Variants in RGS21 observed in about 807,000 individuals in gnomAD.
The protein encoded by RGS21 is regulator of G-protein signalling 21.
A neutral mutation model predicts 18.7 loss-of-function variants in RGS21; 19 were observed. The observed-to-expected ratio is 1.01, with a 90% CI of 0.71 to 1.49. The LOEUF (loss-of-function observed/expected upper bound fraction) is 1.49, where lower values mean the gene tolerates loss of function less well. Among genes scored for constraint, RGS21 ranks in the 40% most tolerant of loss-of-function variants. The pLI is 0.00. For missense variants in RGS21, 194 were observed against 176.8 expected (o/e 1.10, Z -0.55); for synonymous variants, 56 against 57.8 (o/e 0.97, Z 0.14).
intron 3 of RGS21, among the ~76,000 whole-genome samples, chr1:192,348,009 C>CATGTAT (rs1658980296): frequency 6.8e-6 from 1 of 146,908 alleles, no homozygotes; most frequent in Non-Finnish European, 1.5e-5. Flanking sequence ...CATACACATA[C>CATGTAT]ATATATATAT....
rs1176240969 is a variant in RGS21, at chr1:192,366,969, CCAAA to C, written c.*849_*852del. 3 of 151,872 alleles carry C rather than the reference CCAAA, an allele frequency of 2.0e-5. No homozygotes were observed. The highest frequency in any genetic ancestry group is 7.3e-5 in the African/African-American group (3 of 41,378). The allele number at this position is 151,872 out of a possible 1,614,324, so 9.4% of individuals were successfully genotyped here. A position where few individuals can be genotyped will look rare whatever the true frequency, so the allele number is the denominator to read the frequency against. ...CAGCACTGATACTTGTTTATAAAAC[CCAAA>C]CAATTTTTAAATGCATTTATTTTGA... is the stretch of plus-strand genomic sequence containing the variant. On this transcript the variant is annotated 3_prime_UTR_variant, in exon 5 of 5. Transcript: ENST00000417209.
At chr1:192,363,610 C>T (rs897215828) in intron 4 of RGS21, among the ~76,000 whole-genome samples, 2 of 152,092 alleles carry the variant, frequency 1.3e-5, no homozygotes, top group Non-Finnish European at 2.9e-5. Flanking sequence ...TATAAGTTAT[C>T]GTGCCACTTA....
chr1:192,344,543 G>A (rs935876577), intron 2 of RGS21, among the ~76,000 whole-genome samples: 2 of 152,166 alleles, frequency 1.3e-5, no homozygotes, highest in Admixed American at 1.3e-4. Context: ...ACATAGTTGT[G>A]CATTTTAGTG....
At chr1:192,362,438 G>A (rs1243555890) in intron 4 of RGS21, among the ~76,000 whole-genome samples, 6 of 152,172 alleles carry the variant, frequency 3.9e-5, no homozygotes, top group African/African-American at 1.2e-4. Context: ...ACACGCATAT[G>A]TGCATGTGCA....
In RGS21 at chr1:192,348,984, T is replaced by C. The variant is rs1368929567; in HGVS notation, c.88+1595T>C. Reference sequence around the variant, plus strand: ...TAGAAATAATTAGAAAGTATAAACATCAAAGGATCCACGTAACTTCCAGAA... The same window carrying C: ...TAGAAATAATTAGAAAGTATAAACACCAAAGGATCCACGTAACTTCCAGAA... On this transcript the variant is annotated intron_variant, in intron 3 of 4. Transcript: ENST00000417209. Among the ~76,000 whole-genome samples, 6 of 151,956 alleles carry C rather than the reference T, an allele frequency of 3.9e-5. No homozygotes were observed. In the South Asian group the frequency reaches 6.2e-4, roughly 16 times the overall value.
intron 1 of RGS21, among the ~76,000 whole-genome samples, chr1:192,336,426 C>A (rs751670050): frequency 2.6e-5 from 4 of 152,024 alleles, no homozygotes; most frequent in Non-Finnish European, 5.9e-5. Context: ...TTGCACTCAG[C>A]ATGGGCAACA....
At chr1:192,359,651 G>GTATATATATATATATA (rs1448592098) in intron 4 of RGS21, among the ~76,000 whole-genome samples, 1 of 82,836 alleles carries the variant, frequency 1.2e-5, no homozygotes, top group Non-Finnish European at 2.5e-5. Context: ...ATATGTGTGT[G>GTATATATATATATATA]TGTGTATATA....
chr1:192,318,638 G>C (rs1658451980), intron 1 of RGS21, among the ~76,000 whole-genome samples: 2 of 151,888 alleles, frequency 1.3e-5, no homozygotes, highest in Non-Finnish European at 2.9e-5. Context: ...TTTATTGATG[G>C]GTTTTATCAT....
intron 4 of RGS21, among the ~76,000 whole-genome samples, chr1:192,363,930 G>A (rs1659220874): frequency 6.6e-6 from 1 of 151,984 alleles, no homozygotes; most frequent in African/African-American, 2.4e-5. Flanking sequence ...TTATTTAGTT[G>A]TTGGTTTTGT....
chr1:192,318,481 T>G (rs920104816), intron 1 of RGS21, among the ~76,000 whole-genome samples: 23 of 152,118 alleles, frequency 1.5e-4, no homozygotes. Flanking sequence ...AGTTTTACGC[T>G]GAGCTAAACT....
At chr1:192,327,722 C>T (rs1658586824) in intron 1 of RGS21, among the ~76,000 whole-genome samples, 1 of 152,126 alleles carries the variant, frequency 6.6e-6, no homozygotes, top group Admixed American at 6.6e-5. Context: ...ATCCACCCAC[C>T]TCAGCCTTCC....
chr1:192,326,932 A>AAC (rs1263649355), intron 1 of RGS21, among the ~76,000 whole-genome samples: 1 of 152,154 alleles, frequency 6.6e-6, no homozygotes, highest in African/African-American at 2.4e-5. Context: ...AAAAAGTTCT[A>AAC]ACACACACAA....
chr1:192,351,888 TCTAGAGTTAGCAA>T (rs925726526), intron 3 of RGS21, among the ~76,000 whole-genome samples, 146 bp from the exon 4 acceptor site: 1 of 150,848 alleles, frequency 6.6e-6, no homozygotes, highest in Non-Finnish European at 1.5e-5. Context: ...AATAAAGTTT[TCTAGAGTTAGCAA>T]CTAAAACATA....
intron 2 of RGS21, among the ~76,000 whole-genome samples, chr1:192,344,827 G>GAGGT (rs996196293): frequency 4.6e-5 from 7 of 152,052 alleles, no homozygotes; most frequent in African/African-American, 1.7e-4. Context: ...CACACCAGCA[G>GAGGT]AGGTACTCCT....
At chr1:192,337,123 A>T (rs901022027) in intron 1 of RGS21, among the ~76,000 whole-genome samples, 1 of 152,086 alleles carries the variant, frequency 6.6e-6, no homozygotes. Context: ...ATGTATTTGG[A>T]TGTAATAGAC....
At chr1:192,356,904 C>T (rs1659119722) in intron 4 of RGS21, among the ~76,000 whole-genome samples, 1 of 151,658 alleles carries the variant, frequency 6.6e-6, no homozygotes, top group Non-Finnish European at 1.5e-5. Context: ...TGTTAATTTT[C>T]TAGGTTTTTG....
intron 1 of RGS21, among the ~76,000 whole-genome samples, chr1:192,321,654 A>G (rs1050407000): frequency 2.6e-5 from 4 of 152,156 alleles, no homozygotes; most frequent in Non-Finnish European, 2.9e-5. Context: ...AATCATTTGT[A>G]TATTTATAAT....
intron 2 of RGS21, 105 bp downstream of exon 2, chr1:192,343,152 C>T (rs1439155565): frequency 2.1e-5 from 22 of 1,070,510 alleles, no homozygotes; most frequent in African/African-American, 6.2e-5. Flanking sequence ...ATGATAAATA[C>T]GCTAATTGTT....
intron 2 of RGS21, among the ~76,000 whole-genome samples, chr1:192,343,441 A>G (rs777795923): frequency 2.6e-5 from 4 of 152,136 alleles, no homozygotes; most frequent in Non-Finnish European, 5.9e-5. Flanking sequence ...CCTGGAGCAC[A>G]TGGACTCCTT....
Sources: allele counts gnomAD v4.1 joint callset (sites outside exome capture counted in the v4.1 genomes callset), GRCh38; gene constraint gnomAD v4.1.1; transcripts MANE v1.5; gene names NCBI Gene and HGNC (gene_info 2026-07-23, HGNC 2026-07-21).